PCDHA5: variants seen among roughly 807,000 people sequenced by gnomAD.
PCDHA5 encodes protocadherin alpha 5.
A neutral mutation model predicts 61.6 loss-of-function variants in PCDHA5; 43 were observed. The ratio of observed to expected loss-of-function variants is 0.70; its 90% confidence interval spans 0.55 to 0.90. The LOEUF (loss-of-function observed/expected upper bound fraction) is 0.90, where lower values mean the gene tolerates loss of function less well. Ranked by LOEUF, PCDHA5 falls within the 40% of genes least tolerant of loss-of-function variation. The pLI is 0.00. For synonymous variants in PCDHA5, 627 were observed against 543.9 expected, an observed-to-expected ratio of 1.15 and a Z score of -2.13; for missense variants, 1,298 against 1,222.7, an observed-to-expected ratio of 1.06 and a Z score of -0.92.
intron 1 of PCDHA5, among the ~76,000 whole-genome samples, chr5:140,961,632 A>G (rs373824042): frequency 7.9e-5 from 12 of 152,214 alleles, no homozygotes; most frequent in South Asian, 4.1e-4. Flanking sequence ...ATGAAAAACA[A>G]TCTTAAGTCT....
intron 1 of PCDHA5, chr5:140,967,133 G>C: frequency 6.2e-7 from 1 of 1,611,928 alleles, no homozygotes; most frequent in East Asian, 2.2e-5. Flanking sequence ...CAGCTTGGAA[G>C]TGCTGGCGCA....
At chr5:140,836,206 C>A (rs1554135734) in intron 1 of PCDHA5, 3 of 1,613,832 alleles carry the variant, frequency 1.9e-6, no homozygotes, top group Middle Eastern at 1.6e-4. Context: ...GCGTGGCTTT[C>A]GTATGAGTTG....
chr5:141,005,563 A>G (rs938722871), intron 3 of PCDHA5, among the ~76,000 whole-genome samples: 4 of 151,458 alleles, frequency 2.6e-5, no homozygotes, highest in East Asian at 1.9e-4. Context: ...TTAGCCGGGC[A>G]TGGTGGCGCG....
intron 1 of PCDHA5, among the ~76,000 whole-genome samples, chr5:140,913,589 T>G (rs1342360734): frequency 6.6e-6 from 1 of 152,168 alleles, no homozygotes; most frequent in Non-Finnish European, 1.5e-5. Context: ...TATTTCTGCT[T>G]TGATCTTTAT....
chr5:140,850,652 T>C lies in PCDHA5; in HGVS notation c.2352+26525T>C, dbSNP rs2150492321. 4 of 1,598,476 alleles carry C rather than the reference T, an allele frequency of 2.5e-6. No homozygotes were observed. In the South Asian group the frequency reaches 3.3e-5, roughly 13 times the overall value. On this transcript the variant is annotated intron_variant, in intron 1 of 3. Coordinates refer to ENST00000529859, the MANE Select transcript of PCDHA5 (RefSeq NM_018908.3). ...TGGTTCTCACGCTGCTGCTGTACAC[T>C]GTGCTGCGGTGCTCGGCGATGCCCA...
rs115903226 is a variant in PCDHA5 at position 140,929,361 on chromosome 5, C to A, written c.2353-49588C>A. 4,899 of 1,519,562 alleles carry A rather than the reference C, an allele frequency of 3.2e-3. 25 individuals carry two copies. The highest frequency in any genetic ancestry group is 0.019 in the African/African-American group (1,394 of 71,916). 94.1% of individuals were successfully genotyped at this position (1,519,562 alleles called of 1,614,324 possible). On this transcript the variant is annotated intron_variant, in intron 1 of 3. Coordinates refer to ENST00000529859, the MANE Select transcript of PCDHA5 (RefSeq NM_018908.3). ...TTTATGGAATTTGATTCCTTTGGCC[C>A]GGAGATGGCTGCTAGCTGTGTTTTG...
chr5:140,901,829 T>C (rs1449316816), intron 1 of PCDHA5, among the ~76,000 whole-genome samples: 1 of 152,230 alleles, frequency 6.6e-6, no homozygotes, highest in African/African-American at 2.4e-5. Flanking sequence ...TTCCAGTCCA[T>C]AAACATGCAA....
intron 1 of PCDHA5, among the ~76,000 whole-genome samples, chr5:140,942,598 A>C: frequency 7.1e-6 from 1 of 140,144 alleles, no homozygotes; most frequent in East Asian, 2.1e-4. Flanking sequence ...ATATAATTAT[A>C]GTGTTTATAT....
rs782166832 is a variant in PCDHA5, at chr5:140,882,300, C to G, written c.2352+58173C>G. 1.4e-5 allele frequency: 22 copies of G among 1,613,604 alleles called. No individual in the cohort carries two copies. The East Asian group carries it at 4.5e-4, about 33-fold the overall frequency. The stretch of plus-strand genomic sequence containing the variant: ...TCTTCCTGGCAAGGAGGCCCAAGAC[C>G]GCGGCAACTACTGCTCTGGCTTCTG... On this transcript the variant is annotated intron_variant, in intron 1 of 3. Coordinates refer to ENST00000529859, the MANE Select transcript of PCDHA5 (RefSeq NM_018908.3).
chr5:140,823,966 T>C lies in PCDHA5; in HGVS notation c.2191T>C (p.Cys731Arg), dbSNP rs1457344203. ...CTCGGCGCAGCCCACCGAGGCCGTG[T>C]GCACACGGGGCAAGCCCACTCTGTT... ...RCSAQPTEAV[C>R]TRGKPTLLCS... Residue 731 changes from cysteine to arginine, a missense_variant, in exon 1 of 4, where the codon TGC (cysteine) becomes CGC (arginine). Cys to Arg is a radical substitution (Grantham distance 180). Transcript: ENST00000529859. The C allele has an allele frequency of 1.2e-6, 2 of 1,613,828 alleles. No homozygotes were observed. The highest frequency in any genetic ancestry group is 2.7e-5 in the African/African-American group (2 of 74,888).
chr5:140,865,624 T>C (rs1554159533), intron 1 of PCDHA5: 1 of 152,176 alleles, frequency 6.6e-6, no homozygotes, highest in East Asian at 1.9e-4. Context: ...TTGTTAGACA[T>C]CATGAAGGGA....
chr5:140,850,420 C>T lies in PCDHA5; in HGVS notation c.2352+26293C>T. The T allele has an allele frequency of 1.9e-6, 3 of 1,597,930 alleles. 1 individual carries two copies. The highest frequency in any genetic ancestry group is 2.6e-6 in the Non-Finnish European group (3 of 1,167,744). ...ACGCGTGCCCTGGACGAAACGGACG[C>T]ACCGCGCCAGCGCCTACTGGTGCTG... On this transcript the variant is annotated intron_variant, in intron 1 of 3. Transcript: ENST00000529859.
intron 1 of PCDHA5, chr5:140,883,864 G>A: frequency 6.2e-7 from 1 of 1,613,210 alleles, no homozygotes; most frequent in East Asian, 2.2e-5. Flanking sequence ...AGCTGTTGCA[G>A]TTCCAGGTGA....
intron 1 of PCDHA5, chr5:140,853,468 T>A: frequency 1.0e-6 from 1 of 970,862 alleles, no homozygotes. Flanking sequence ...TATGCATCTG[T>A]AGTTAACATT....
At chr5:140,840,903 C>A (rs933771737) in intron 1 of PCDHA5, among the ~76,000 whole-genome samples, 3 of 151,914 alleles carry the variant, frequency 2.0e-5, no homozygotes, top group Admixed American at 6.6e-5. Context: ...ACATACAGGT[C>A]ATACTTAAAT....
chr5:140,939,613 A>T (rs2092423002), intron 1 of PCDHA5, among the ~76,000 whole-genome samples: 1 of 152,232 alleles, frequency 6.6e-6, no homozygotes, highest in African/African-American at 2.4e-5. Context: ...CAGAACAAGG[A>T]GACAAAAGAA....
In PCDHA5 at chr5:140,822,370, TTAGA is replaced by T; in HGVS notation, c.600_603del (p.Asp200GlufsTer10). On this transcript the variant is annotated frameshift_variant, in exon 1 of 4. Transcript: ENST00000529859. LOFTEE classifies it high-confidence loss of function. ...TTTAGAGCTGGTTTTGAGGAAATCC[TTAGA>T]TAGAGAAGAAACACAAGAACACCGT... 1.2e-6 allele frequency: 2 copies of T among 1,614,126 alleles called. No homozygotes were observed. Among genetic ancestry groups the T allele is most frequent in the Non-Finnish European group, 1.7e-6 (2 of 1,180,028 alleles).
At chr5:140,857,661 A>ACTC (rs1554150470) in intron 1 of PCDHA5, 1 of 1,596,582 alleles carries the variant, frequency 6.3e-7, no homozygotes. Flanking sequence ...AGCGCGCGCG[A>ACTC]TGGGGGCGTG....
At chr5:140,927,157 G>T (rs868936673) in intron 1 of PCDHA5, 1 of 1,614,146 alleles carries the variant, frequency 6.2e-7, no homozygotes, top group Admixed American at 1.7e-5. Flanking sequence ...GCTGTGCAGG[G>T]CCAAAGCTGC....
Sources: gnomAD v4.1 joint callset for allele counts (sites outside exome capture counted in the v4.1 genomes callset) on GRCh38, gnomAD v4.1.1 for gene constraint, MANE v1.5 for transcripts, NCBI Gene and HGNC (gene_info 2026-07-23, HGNC 2026-07-21) for gene names.